The following TAF4B variants were observed in gnomAD, a reference collection of about 807,000 sequenced individuals.
The protein encoded by TAF4B is transcription initiation factor TFIID subunit 4B.
A neutral mutation model predicts 86.4 loss-of-function variants in TAF4B; 38 were observed. The ratio of observed to expected loss-of-function variants is 0.44; its 90% CI spans 0.34 to 0.58. TAF4B has a LOEUF of 0.58. Among genes scored for constraint, TAF4B ranks in the 20% least tolerant of loss-of-function variants. The probability of loss-of-function intolerance (pLI) is 0.02; values close to 1 mark genes in which losing one functional copy is unlikely to be tolerated. For missense variants in TAF4B, 988 were observed against 1,027.6 expected, an observed-to-expected ratio of 0.96 and a Z score of 0.53; for synonymous variants, 388 against 391.2, an observed-to-expected ratio of 0.99 and a Z score of 0.10.
intron 1 of TAF4B, among the ~76,000 whole-genome samples, chr18:26,240,368 G>T (rs1161345934): frequency 2.6e-5 from 4 of 152,066 alleles, no homozygotes; most frequent in Non-Finnish European, 5.9e-5. Flanking sequence ...AGTTCCCTCA[G>T]GATTTGGCTC....
chr18:26,241,991 T>C (rs2055846810), intron 1 of TAF4B, among the ~76,000 whole-genome samples: 1 of 152,138 alleles, frequency 6.6e-6, no homozygotes, highest in African/African-American at 2.4e-5. Context: ...TGCTGGGGAG[T>C]GCTTTACTTC....
chr18:26,282,459 C>T (rs928603423), intron 6 of TAF4B, among the ~76,000 whole-genome samples: 1 of 152,120 alleles, frequency 6.6e-6, no homozygotes, highest in African/African-American at 2.4e-5. Context: ...TATACAATAG[C>T]ATTATATTTG....
chr18:26,329,035 C>T (rs1003698046), intron 12 of TAF4B, among the ~76,000 whole-genome samples: 1 of 151,864 alleles, frequency 6.6e-6, no homozygotes, highest in Admixed American at 6.6e-5. Flanking sequence ...CTTCTCTCCT[C>T]CTACCTTTCT....
chr18:26,291,733 G>T (rs1677017), intron 7 of TAF4B, among the ~76,000 whole-genome samples: 121,397 of 148,236 alleles, frequency 0.82, 50,252 homozygotes, highest in East Asian at 0.89. Context: ...GAAAATACTT[G>T]GTTAAAATGG....
At chr18:26,287,730 T>A (rs910318529) in intron 7 of TAF4B, among the ~76,000 whole-genome samples, 35 of 152,340 alleles carry the variant, frequency 2.3e-4, no homozygotes, top group African/African-American at 8.4e-4. Context: ...TTCATTCTGC[T>A]TCTTGGGTAG....
Position 26,227,004 on chromosome 18 carries a change from C to T in TAF4B, c.71C>T (p.Thr24Ile). ...GCTGTGAGCGCCTCGGGGACCGTGACCATGGCCCCGGCCGGGGCGCTGCCG... is the reference window on the plus strand; with the variant it reads ...GCTGTGAGCGCCTCGGGGACCGTGATCATGGCCCCGGCCGGGGCGCTGCCG... ...PAAVSASGTVTMAPAGALPVR... is the reference protein window; with the variant it reads ...PAAVSASGTVIMAPAGALPVR... Residue 24 changes from threonine to isoleucine, a missense_variant, in exon 1 of 15, where the codon ACC becomes ATC. Transcript: ENST00000269142. 6.9e-7 allele frequency: 1 copy of T among 1,452,164 alleles called. No individual in the cohort carries two copies. The highest frequency in any genetic ancestry group is 9.0e-7 in the Non-Finnish European group (1 of 1,116,406). 90.0% of individuals were successfully genotyped at this position (1,452,164 alleles called of 1,614,324 possible).
intron 5 of TAF4B, among the ~76,000 whole-genome samples, chr18:26,278,119 G>T (rs1427069291): frequency 6.6e-6 from 1 of 152,116 alleles, no homozygotes; most frequent in Non-Finnish European, 1.5e-5. Context: ...GGCTAGTTTA[G>T]CGACTCAATT....
chr18:26,335,469 T>A (rs993203640), intron 13 of TAF4B, among the ~76,000 whole-genome samples: 10 of 152,206 alleles, frequency 6.6e-5, no homozygotes, highest in African/African-American at 2.4e-4. Context: ...CTTTGTAAAC[T>A]ACAGCAGCAT....
intron 5 of TAF4B, among the ~76,000 whole-genome samples, chr18:26,278,248 A>G (rs189510249): frequency 2.0e-5 from 3 of 152,294 alleles, no homozygotes; most frequent in African/African-American, 7.2e-5. Context: ...GATTTAGTAA[A>G]GTTAATTTTT....
chr18:26,310,247 A>T (rs1318468309), intron 9 of TAF4B, among the ~76,000 whole-genome samples: 3 of 152,126 alleles, frequency 2.0e-5, no homozygotes, highest in Non-Finnish European at 4.4e-5. Context: ...ATGATCATTT[A>T]AGTGTGCCTG....
At chr18:26,250,181 G>A (rs975793569) in intron 1 of TAF4B, among the ~76,000 whole-genome samples, 4 of 152,120 alleles carry the variant, frequency 2.6e-5, no homozygotes, top group Non-Finnish European at 4.4e-5. Flanking sequence ...CCACAGGCAG[G>A]TACCACCAGG....
intron 13 of TAF4B, chr18:26,348,916 C>T (rs1054551632): frequency 6.6e-6 from 1 of 152,276 alleles, no homozygotes; most frequent in Non-Finnish European, 1.5e-5. Flanking sequence ...AAGCATTAAT[C>T]TACCTCAGAG....
At chr18:26,287,707 ATC>A (rs1180816623) in intron 7 of TAF4B, among the ~76,000 whole-genome samples, 2 of 151,996 alleles carry the variant, frequency 1.3e-5, no homozygotes, top group African/African-American at 4.8e-5. Context: ...TGTGTTTTAA[ATC>A]TCTGTTTTGG....
chr18:26,301,292 G>GTT (rs373495502), intron 9 of TAF4B, among the ~76,000 whole-genome samples: 235 of 143,360 alleles, frequency 1.6e-3, no homozygotes, highest in African/African-American at 5.1e-3. Flanking sequence ...TGTTGTTGTT[G>GTT]TTTTTTTTTT....
At position 26,306,352 on chromosome 18, in the gene TAF4B, C is replaced by T. The variant is rs146215532; in HGVS notation, c.1833-8877C>T. Among the ~76,000 whole-genome samples, 290 of 152,196 alleles carry T rather than the reference C, an allele frequency of 1.9e-3. 2 individuals are homozygous for T. The highest frequency in any genetic ancestry group is 6.8e-3 in the African/African-American group (283 of 41,538). ...TACCTCCTTAGAGAGGTAAATTTTG[C>T]TTGGCCAACCAACATAAAGTAGCTT... On this transcript the variant is annotated intron_variant, in intron 9 of 14. Transcript: ENST00000269142.
chr18:26,346,841 G>C (rs1266228663), intron 13 of TAF4B, among the ~76,000 whole-genome samples: 1 of 16,046 alleles, frequency 6.2e-5, no homozygotes, highest in Non-Finnish European at 1.7e-4. Flanking sequence ...ATATATGTGT[G>C]TGTGTATATA....
intron 9 of TAF4B, among the ~76,000 whole-genome samples, chr18:26,299,170 T>C (rs55819289): frequency 0.35 from 53,452 of 151,350 alleles, 11,463 homozygotes; most frequent in East Asian, 0.81. Context: ...CCTTTTTTTT[T>C]TCTTTTTTAA....
At chr18:26,334,804 C>A (rs1008857940) in intron 12 of TAF4B, among the ~76,000 whole-genome samples, 1 of 152,168 alleles carries the variant, frequency 6.6e-6, no homozygotes, top group Non-Finnish European at 1.5e-5. Flanking sequence ...TGAAGATCAG[C>A]CAGTATTGAT....
rs556267204 is a variant in TAF4B, at chr18:26,383,994, G to T, written c.2422-5851G>T. ...CAGTGTTCTTGTTACACTGGGTCAG[G>T]TATCCAGGGCACATTTATTTATTTT... is the stretch of plus-strand genomic sequence containing the variant. On this transcript the variant is annotated intron_variant, in intron 14 of 14. Coordinates refer to ENST00000269142, the MANE Select transcript of TAF4B (RefSeq NM_005640.3). Among the ~76,000 whole-genome samples the T allele has an allele frequency of 2.0e-5, 3 of 152,232 alleles. No individual in the cohort carries two copies. The South Asian group carries it at 6.2e-4, about 32-fold the overall frequency.
Sources: allele counts gnomAD v4.1 joint callset (sites outside exome capture counted in the v4.1 genomes callset), GRCh38; gene constraint gnomAD v4.1.1; transcripts MANE v1.5; gene names NCBI Gene and HGNC (gene_info 2026-07-23, HGNC 2026-07-21).